The following ERC2 variants were observed in gnomAD, a reference collection of about 807,000 sequenced individuals.
ERC2 encodes the protein ELKS/RAB6-interacting/CAST family member 2.
In ERC2, 42 loss-of-function variants were observed where a neutral mutation model predicts 114.8. That is an observed-to-expected ratio of 0.37 (90% CI 0.29 to 0.47). ERC2 has a LOEUF of 0.47. ERC2 is among the 20% of genes least tolerant of loss of function. ERC2 has a pLI of 0.99. For synonymous variants in ERC2, 454 were observed against 425.5 expected, an observed-to-expected ratio of 1.07 and a Z score of -0.82; for missense variants, 939 against 1,150.7, an observed-to-expected ratio of 0.82 and a Z score of 2.66.
At chr3:56,025,628 G>A (rs2073992934) in intron 7 of ERC2, among the ~76,000 whole-genome samples, 1 of 152,118 alleles carries the variant, frequency 6.6e-6, no homozygotes, top group Non-Finnish European at 1.5e-5. Flanking sequence ...TGACTTCCCT[G>A]TCTCTGACCT....
chr3:56,102,057 T>C (rs1168516147), intron 6 of ERC2, among the ~76,000 whole-genome samples: 5 of 152,236 alleles, frequency 3.3e-5, no homozygotes, highest in African/African-American at 1.2e-4. Flanking sequence ...GTCACCTGGA[T>C]GTTCTTACGC....
intron 4 of ERC2, among the ~76,000 whole-genome samples, chr3:56,160,251 T>C (rs1351997161): frequency 6.6e-6 from 1 of 152,104 alleles, no homozygotes; most frequent in Non-Finnish European, 1.5e-5. Flanking sequence ...GATGATTATG[T>C]TTGTTGGACA....
chr3:55,775,297 C>T (rs964876823), intron 14 of ERC2, among the ~76,000 whole-genome samples: 1 of 152,146 alleles, frequency 6.6e-6, no homozygotes, highest in Non-Finnish European at 1.5e-5. Context: ...TTTGTAAGGC[C>T]TAGGCGGAAG....
At chr3:55,854,882 T>A (rs1486187562) in intron 14 of ERC2, among the ~76,000 whole-genome samples, 1 of 152,094 alleles carries the variant, frequency 6.6e-6, no homozygotes, top group East Asian at 1.9e-4. Flanking sequence ...GGATGGTGCC[T>A]CTGCTCTTGT....
intron 14 of ERC2, among the ~76,000 whole-genome samples, chr3:55,819,957 A>G (rs2060057683): frequency 6.6e-6 from 1 of 152,154 alleles, no homozygotes; most frequent in Admixed American, 6.6e-5. Context: ...GGGGTTCCCA[A>G]TTAGCCTCTT....
intron 14 of ERC2, among the ~76,000 whole-genome samples, chr3:55,870,382 CT>C (rs1165954921): frequency 1.3e-5 from 2 of 152,184 alleles, no homozygotes; most frequent in African/African-American, 2.4e-5. Flanking sequence ...GCAGGGTAGA[CT>C]TTTCAAGAGA....
chr3:55,901,023 T>C (rs894414454), intron 13 of ERC2, among the ~76,000 whole-genome samples: 4 of 152,144 alleles, frequency 2.6e-5, no homozygotes, highest in Non-Finnish European at 4.4e-5. Context: ...GAGGGGACTC[T>C]ACTGAGAGGC....
intron 2 of ERC2, among the ~76,000 whole-genome samples, chr3:56,344,496 G>T (rs1412864889): frequency 6.6e-6 from 1 of 152,104 alleles, no homozygotes; most frequent in East Asian, 1.9e-4. Flanking sequence ...CAGGAGCCAG[G>T]AGTTCCTCAC....
chr3:56,076,819 T>C (rs2076998538), intron 7 of ERC2, among the ~76,000 whole-genome samples: 1 of 152,146 alleles, frequency 6.6e-6, no homozygotes, highest in African/African-American at 2.4e-5. Flanking sequence ...CCTGTCTACA[T>C]GGCTTATGGA....
At chr3:56,392,902 A>G (rs1435692168) in intron 2 of ERC2, among the ~76,000 whole-genome samples, 2 of 152,112 alleles carry the variant, frequency 1.3e-5, no homozygotes, top group African/African-American at 4.8e-5. Context: ...GTTCCACCTG[A>G]TACGGCCACG....
chr3:55,628,623 G>A (rs1252529620), intron 17 of ERC2, among the ~76,000 whole-genome samples: 1 of 152,092 alleles, frequency 6.6e-6, no homozygotes, highest in East Asian at 1.9e-4. Context: ...TTCCATCGAG[G>A]CCCAAATCCC....
At chr3:55,526,943 G>T (rs1205560540) in intron 17 of ERC2, among the ~76,000 whole-genome samples, 2 of 152,234 alleles carry the variant, frequency 1.3e-5, no homozygotes, top group Non-Finnish European at 2.9e-5. Context: ...TGATGGGTCT[G>T]CAGGCCAGCA....
At chr3:55,518,521 T>C (rs1185868534) in intron 17 of ERC2, among the ~76,000 whole-genome samples, 3 of 152,244 alleles carry the variant, frequency 2.0e-5, no homozygotes, top group Admixed American at 6.5e-5. Context: ...AGGTGAAATC[T>C]AGTTTAAATT....
At chr3:56,159,516 A>G (rs2081938728) in intron 4 of ERC2, among the ~76,000 whole-genome samples, 1 of 152,150 alleles carries the variant, frequency 6.6e-6, no homozygotes, top group Non-Finnish European at 1.5e-5. Flanking sequence ...CTTTTTATCA[A>G]CTTTTATTTT....
intron 2 of ERC2, among the ~76,000 whole-genome samples, chr3:56,354,696 GC>G (rs1286832480): frequency 6.6e-6 from 1 of 152,110 alleles, no homozygotes. Flanking sequence ...ACCTTTCCCA[GC>G]CTATGCCTAA....
intron 14 of ERC2, among the ~76,000 whole-genome samples, chr3:55,857,653 T>C (rs575493009): frequency 6.6e-6 from 1 of 152,300 alleles, no homozygotes; most frequent in East Asian, 1.9e-4. Flanking sequence ...CATACTTTCA[T>C]TGCTGTTCAG....
intron 4 of ERC2, among the ~76,000 whole-genome samples, chr3:56,167,651 T>C (rs913130064): frequency 2.6e-5 from 4 of 152,062 alleles, no homozygotes; most frequent in African/African-American, 9.7e-5. Context: ...AATGAGAAGA[T>C]AGAGAAATTT....
chr3:55,684,052 G>A (rs567007877), intron 16 of ERC2, among the ~76,000 whole-genome samples, 193 bp from the exon 17 acceptor site: 34 of 151,960 alleles, frequency 2.2e-4, no homozygotes, highest in Non-Finnish European at 4.6e-4. Flanking sequence ...ATACATAACC[G>A]GGTTTTGTAT....
chr3:56,331,466 T>C (rs1380927770), intron 2 of ERC2, among the ~76,000 whole-genome samples: 1 of 152,164 alleles, frequency 6.6e-6, no homozygotes, highest in East Asian at 1.9e-4. Context: ...TTGAATAAAA[T>C]CTTCCTGACC....
Sources: gnomAD v4.1 joint callset for allele counts (sites outside exome capture counted in the v4.1 genomes callset) on GRCh38, gnomAD v4.1.1 for gene constraint, MANE v1.5 for transcripts, NCBI Gene and HGNC (gene_info 2026-07-23, HGNC 2026-07-21) for gene names.